Variants in NTMT1 observed in about 807,000 individuals in gnomAD.
The protein encoded by NTMT1 is N-terminal Xaa-Pro-Lys N-methyltransferase 1, also known as N-terminal RCC1 methyltransferase.
In NTMT1, 8 loss-of-function variants were observed where a neutral mutation model predicts 17.5. The ratio of observed to expected loss-of-function variants is 0.46; its 90% CI spans 0.27 to 0.82. NTMT1 has a LOEUF of 0.82. Ranked by LOEUF, NTMT1 falls within the 40% of genes least tolerant of loss-of-function variation. The pLI is 0.15. For missense variants in NTMT1, 221 were observed against 303.5 expected (o/e 0.73, Z 2.02); for synonymous variants, 128 against 126.8 (o/e 1.01, Z -0.06).
chr9:129,620,393 C>T lies in NTMT1; in HGVS notation c.-55+11215C>T. The T allele has an allele frequency of 8.1e-7, 1 of 1,229,916 alleles. No individual in the cohort carries two copies. Among genetic ancestry groups the T allele is most frequent in the Non-Finnish European group, 1.0e-6 (1 of 987,330 alleles). The allele number at this position is 1,229,916 out of a possible 1,614,324, so 76.2% of individuals were successfully genotyped here. On this transcript the variant is annotated intron_variant, in intron 1 of 3. Transcript: ENST00000372486. The surrounding 1 kb of genome is among the most constrained non-coding windows in gnomAD (Gnocchi z 5.8). ...GGGCTTGGCGTCCCCTTCCGGCCAC[C>T]ACGCGGCGCCGCCCCCCGGGATCCT...
At chr9:129,616,405 G>A (rs541537365) in intron 1 of NTMT1, among the ~76,000 whole-genome samples, 4 of 152,172 alleles carry the variant, frequency 2.6e-5, no homozygotes, top group South Asian at 2.1e-4. Flanking sequence ...TAGTAGAAAC[G>A]GGGTTTCACC....
At chr9:129,624,571 A>G (rs1830836951), upstream of NTMT1, among the ~76,000 whole-genome samples, 1 of 152,214 alleles carries the variant, frequency 6.6e-6, no homozygotes, top group Non-Finnish European at 1.5e-5. Context: ...TTTAGAGCAA[A>G]CACACTTTAA....
At chr9:129,610,724 C>T (rs549994564) in intron 1 of NTMT1, among the ~76,000 whole-genome samples, 1 of 152,184 alleles carries the variant, frequency 6.6e-6, no homozygotes, top group Non-Finnish European at 1.5e-5. Context: ...GTGGGCGCGC[C>T]GCGGTGCTGC....
At chr9:129,624,046 G>A (rs367649593), upstream of NTMT1, among the ~76,000 whole-genome samples, 101 of 152,028 alleles carry the variant, frequency 6.6e-4, no homozygotes, top group African/African-American at 2.1e-3. Context: ...CACCTGCCTC[G>A]GCCTCCCAAA....
At chr9:129,626,156 C>G (rs1283880703), upstream of NTMT1, 1 of 152,196 alleles carries the variant, frequency 6.6e-6, no homozygotes. Flanking sequence ...CGTTGGCGGA[C>G]AAAGGCAGCG....
chr9:129,623,644 C>T (rs1353197277), upstream of NTMT1, among the ~76,000 whole-genome samples: 2 of 152,088 alleles, frequency 1.3e-5, no homozygotes, highest in Non-Finnish European at 2.9e-5. Flanking sequence ...GAACGCGTCG[C>T]CAAAGATATA....
At chr9:129,632,182 C>T (rs946269881) in intron 1 of NTMT1, among the ~76,000 whole-genome samples, 8 of 152,280 alleles carry the variant, frequency 5.3e-5, no homozygotes, top group Middle Eastern at 3.4e-3. Context: ...GGCACATGGG[C>T]TCACACCCGT....
intron 1 of NTMT1, among the ~76,000 whole-genome samples, chr9:129,618,841 C>T (rs1490762949): frequency 1.3e-5 from 2 of 151,128 alleles, no homozygotes; most frequent in African/African-American, 4.9e-5. Flanking sequence ...TACAGGCGCC[C>T]GCCACCACGC....
intron 1 of NTMT1, chr9:129,612,373 C>T (rs1017694849): frequency 1.9e-6 from 3 of 1,613,770 alleles, no homozygotes; most frequent in Non-Finnish European, 1.7e-6. Flanking sequence ...TGCAGTGTTG[C>T]GGAGGCCAGG....
Position 129,613,520 on chromosome 9 carries a change from G to A in NTMT1, c.-55+4342G>A, listed in dbSNP as rs750800254. 1.4e-5 allele frequency: 23 copies of A among 1,614,170 alleles called. No individual in the cohort carries two copies. The highest frequency in any genetic ancestry group is 1.2e-4 in the South Asian group (11 of 91,088). On this transcript the variant is annotated intron_variant, in intron 1 of 3. Coordinates refer to the NTMT1 transcript ENST00000372486. This position sits in a 1 kb window ranked among gnomAD's most constrained non-coding sequence, Gnocchi z 6.2. The stretch of plus-strand genomic sequence containing the variant: ...AGGGCTTTGGGCAAACTCTCCAGCC[G>A]TTTTCCGACACTCCCAAACACCCGC...
At chr9:129,628,882 C>T (rs534409165) in intron 1 of NTMT1, among the ~76,000 whole-genome samples, 4 of 152,222 alleles carry the variant, frequency 2.6e-5, no homozygotes, top group Admixed American at 6.5e-5. Context: ...GAATACAAAA[C>T]CTTCAGTTTG....
chr9:129,623,150 GGTGAAACCCT>G (rs1320782726), upstream of NTMT1, among the ~76,000 whole-genome samples: 1 of 152,032 alleles, frequency 6.6e-6, no homozygotes, highest in East Asian at 1.9e-4. Context: ...TGGCTAACAC[GGTGAAACCCT>G]GTCTCTACTA....
At chr9:129,627,303 G>T (rs1830948366) in intron 1 of NTMT1, among the ~76,000 whole-genome samples, 1 of 152,188 alleles carries the variant, frequency 6.6e-6, no homozygotes, top group African/African-American at 2.4e-5. Flanking sequence ...TTGCAGAGCT[G>T]TTTGAGTCTG....
At chr9:129,629,123 C>T (rs1831024700) in intron 1 of NTMT1, among the ~76,000 whole-genome samples, 1 of 152,070 alleles carries the variant, frequency 6.6e-6, no homozygotes, top group South Asian at 2.1e-4. Context: ...TCCCAAAGGG[C>T]TCAGGTTATA....
chr9:129,629,293 A>G (rs572619928), intron 1 of NTMT1, among the ~76,000 whole-genome samples: 7 of 152,330 alleles, frequency 4.6e-5, no homozygotes, highest in African/African-American at 1.4e-4. Flanking sequence ...ACCCAGCTAC[A>G]TGGTGACATT....
chr9:129,619,383 G>A (rs767677850), intron 1 of NTMT1: 47 of 687,526 alleles, frequency 6.8e-5, no homozygotes, highest in Non-Finnish European at 1.0e-4. Flanking sequence ...TCTGATTCAC[G>A]GACAGCCATA....
At chr9:129,617,840 C>T (rs1176471612) in intron 1 of NTMT1, among the ~76,000 whole-genome samples, 12 of 152,100 alleles carry the variant, frequency 7.9e-5, no homozygotes, top group African/African-American at 2.7e-4. Context: ...TGCACCACCA[C>T]GCCCAGCTAA....
chr9:129,630,382 A>T (rs542215616), intron 1 of NTMT1, among the ~76,000 whole-genome samples: 1 of 152,194 alleles, frequency 6.6e-6, no homozygotes, highest in African/African-American at 2.4e-5. Flanking sequence ...CTGAGATGGG[A>T]GGATCACCTG....
At chr9:129,617,966 G>C (rs1227944587) in intron 1 of NTMT1, among the ~76,000 whole-genome samples, 1 of 152,212 alleles carries the variant, frequency 6.6e-6, no homozygotes, top group Non-Finnish European at 1.5e-5. Context: ...TTATAGGCAT[G>C]AGCCACCATG....
Sources: allele counts gnomAD v4.1 joint callset (sites outside exome capture counted in the v4.1 genomes callset), GRCh38; gene constraint gnomAD v4.1.1; non-coding constraint Gnocchi (gnomAD v3.1); transcripts MANE v1.5; gene names NCBI Gene and HGNC (gene_info 2026-07-23, HGNC 2026-07-21).